BMP5: variants seen among roughly 807,000 people sequenced by gnomAD.
The protein encoded by BMP5 is bone morphogenetic protein 5.
BMP5 carries 23 observed loss-of-function variants against 46.6 expected under a neutral mutation model. The ratio of observed to expected loss-of-function variants is 0.49; its 90% CI spans 0.35 to 0.70. BMP5 has a LOEUF of 0.70. Among genes scored for constraint, BMP5 ranks in the 30% least tolerant of loss-of-function variants. BMP5 has a pLI of 0.00. For synonymous variants in BMP5, 204 were observed against 191.9 expected, an observed-to-expected ratio of 1.06 and a Z score of -0.52; for missense variants, 545 against 565.6, an observed-to-expected ratio of 0.96 and a Z score of 0.37.
At chr6:55,857,883 A>G (rs1249018328) in intron 1 of BMP5, among the ~76,000 whole-genome samples, 2 of 151,914 alleles carry the variant, frequency 1.3e-5, no homozygotes, top group African/African-American at 2.4e-5. Context: ...GATTACAGGC[A>G]TGCGCCACCA....
rs1358429250 is a variant in BMP5 at position 55,840,911 on chromosome 6, C to T, written c.491-21064G>A. On this transcript the variant is annotated intron_variant, in intron 1 of 6. Transcript: ENST00000370830. Reference sequence around the variant, plus strand: ...GAAAAGGGGTCTCCAACCCCCAGGCCCCAGACGGGTACTGGTTGGTGGCCT... The same window carrying T: ...GAAAAGGGGTCTCCAACCCCCAGGCTCCAGACGGGTACTGGTTGGTGGCCT... Among the ~76,000 whole-genome samples the T allele has an allele frequency of 4.6e-5, 7 of 152,206 alleles. No homozygotes were observed. In the East Asian group the frequency reaches 1.4e-3, roughly 29 times the overall value.
chr6:55,773,108 A>G (rs909939283), intron 4 of BMP5, among the ~76,000 whole-genome samples: 9 of 151,908 alleles, frequency 5.9e-5, no homozygotes, highest in Non-Finnish European at 1.3e-4. Flanking sequence ...TATAGGAATC[A>G]TGTATCTTTT....
At chr6:55,854,849 G>T (rs867167354) in intron 1 of BMP5, among the ~76,000 whole-genome samples, 11 of 151,984 alleles carry the variant, frequency 7.2e-5, no homozygotes, top group Middle Eastern at 3.2e-3. Context: ...CAGTATTTTT[G>T]ATTTTGATTT....
intron 3 of BMP5, among the ~76,000 whole-genome samples, chr6:55,778,523 T>A (rs2127523034): frequency 6.6e-6 from 1 of 152,152 alleles, no homozygotes; most frequent in African/African-American, 2.4e-5. Flanking sequence ...ACATAGATAT[T>A]GTCTTTTTGT....
intron 2 of BMP5, among the ~76,000 whole-genome samples, chr6:55,803,368 C>A (rs1183995281): frequency 6.6e-6 from 1 of 151,298 alleles, no homozygotes; most frequent in South Asian, 2.1e-4. Context: ...TATATTAGTG[C>A]CAAATTGACA....
At chr6:55,836,635 C>CACACACAT (rs1024439728) in intron 1 of BMP5, among the ~76,000 whole-genome samples, 1 of 145,856 alleles carries the variant, frequency 6.9e-6, no homozygotes, top group African/African-American at 2.6e-5. Context: ...CATACATACA[C>CACACACAT]ACACACACAC....
At position 55,774,167 on chromosome 6, in the gene BMP5, G is replaced by A. The variant is rs1775114185; in HGVS notation, c.909C>T (p.Ala303=). Residue 303 remains alanine (A), a synonymous_variant, in exon 4 of 7, where the codon GCC becomes GCT. Transcript: ENST00000370830. ...GPQSKQPFMV[A]FFKASEVLLR... ...GAAGTACCTCACTCGCCTTGAAGAA[G>A]GCCACCATGAATGGTTGTTTTGACT... 6.2e-7 allele frequency: 1 copy of A among 1,613,084 alleles called. No homozygotes were observed. Among genetic ancestry groups the A allele is most frequent in the African/African-American group, 1.3e-5 (1 of 74,928 alleles).
chr6:55,804,267 A>T (rs1775932250), intron 2 of BMP5, among the ~76,000 whole-genome samples: 1 of 152,196 alleles, frequency 6.6e-6, no homozygotes, highest in Non-Finnish European at 1.5e-5. Context: ...GGAGAGACAC[A>T]AAGATAGAGA....
At chr6:55,842,493 T>G (rs1404525845) in intron 1 of BMP5, among the ~76,000 whole-genome samples, 1 of 152,168 alleles carries the variant, frequency 6.6e-6, no homozygotes, top group South Asian at 2.1e-4. Context: ...GAAAGCTCAG[T>G]GCCTCCACAT....
chr6:55,843,931 T>C (rs1777031521), intron 1 of BMP5, among the ~76,000 whole-genome samples: 2 of 152,086 alleles, frequency 1.3e-5, no homozygotes, highest in Admixed American at 6.6e-5. Flanking sequence ...CCTTAAATTT[T>C]ACTAGGTATC....
intron 1 of BMP5, among the ~76,000 whole-genome samples, chr6:55,850,155 T>C (rs1777195070): frequency 6.6e-6 from 1 of 152,174 alleles, no homozygotes; most frequent in Admixed American, 6.6e-5. Context: ...TTTACCAAGT[T>C]ACTTGACTTT....
chr6:55,825,344 A>G (rs1022322373), intron 1 of BMP5, among the ~76,000 whole-genome samples: 6 of 151,886 alleles, frequency 4.0e-5, no homozygotes, highest in African/African-American at 1.4e-4. Flanking sequence ...AAGAAGAGAA[A>G]TAATTTATTA....
intron 1 of BMP5, among the ~76,000 whole-genome samples, chr6:55,872,894 C>T (rs1040499702): frequency 1.3e-5 from 2 of 151,796 alleles, no homozygotes; most frequent in Non-Finnish European, 3.0e-5. Context: ...GCTACACTTG[C>T]ATATCCCTTA....
At chr6:55,871,858 A>G (rs1440976035) in intron 1 of BMP5, among the ~76,000 whole-genome samples, 1 of 151,764 alleles carries the variant, frequency 6.6e-6, no homozygotes, top group Non-Finnish European at 1.5e-5. Flanking sequence ...GACTTCCTCA[A>G]TACAAATCCC....
chr6:55,791,216 A>C (rs1266145153), intron 3 of BMP5, among the ~76,000 whole-genome samples: 1 of 152,336 alleles, frequency 6.6e-6, no homozygotes, highest in Non-Finnish European at 1.5e-5. Context: ...CTGGTTATTC[A>C]TATTTATAAG....
intron 1 of BMP5, among the ~76,000 whole-genome samples, chr6:55,870,618 T>G (rs1468156633): frequency 6.6e-6 from 1 of 152,092 alleles, no homozygotes; most frequent in Non-Finnish European, 1.5e-5. Flanking sequence ...CATCTTTAGG[T>G]AGATTTGTAT....
In BMP5 at chr6:55,875,025, T is replaced by C; in HGVS notation, c.-160A>G. On this transcript the variant is annotated 5_prime_UTR_variant, in exon 1 of 7. Coordinates refer to ENST00000370830, the MANE Select transcript of BMP5 (RefSeq NM_021073.4). ...TTTCTGAGCACAACATCCTCACCGA[T>C]TTTCCTGTCCTATTTTAAATATTTT... The C allele has an allele frequency of 1.3e-6, 1 of 762,264 alleles. No homozygotes were observed. The highest frequency in any genetic ancestry group is 2.1e-6 in the Non-Finnish European group (1 of 475,474). 47.2% of individuals were successfully genotyped at this position (762,264 alleles called of 1,614,324 possible).
At chr6:55,842,736 T>G (rs924669859) in intron 1 of BMP5, among the ~76,000 whole-genome samples, 1 of 152,088 alleles carries the variant, frequency 6.6e-6, no homozygotes, top group Non-Finnish European at 1.5e-5. Context: ...CACTGTCTGC[T>G]GTCTGATACC....
intron 1 of BMP5, among the ~76,000 whole-genome samples, chr6:55,834,262 G>C (rs1283231909): frequency 6.6e-6 from 1 of 151,896 alleles, no homozygotes; most frequent in African/African-American, 2.4e-5. Flanking sequence ...GTCACTTTAG[G>C]GTAGACTTTA....
Sources: allele counts gnomAD v4.1 joint callset (sites outside exome capture counted in the v4.1 genomes callset), GRCh38; gene constraint gnomAD v4.1.1; transcripts MANE v1.5; gene names NCBI Gene and HGNC (gene_info 2026-07-23, HGNC 2026-07-21).